The following PDE1A variants were observed in gnomAD, a reference collection of about 807,000 sequenced individuals.
The protein encoded by PDE1A is phosphodiesterase 1A.
A neutral mutation model predicts 61.7 loss-of-function variants in PDE1A; 35 were observed. The ratio of observed to expected loss-of-function variants is 0.57; its 90% CI spans 0.43 to 0.75. PDE1A has a LOEUF of 0.75. Among genes scored for constraint, PDE1A ranks in the 30% least tolerant of loss-of-function variants. PDE1A has a pLI of 0.00. For missense variants in PDE1A, 597 were observed against 630.6 expected, an observed-to-expected ratio of 0.95 and a Z score of 0.57; for synonymous variants, 232 against 213.2, an observed-to-expected ratio of 1.09 and a Z score of -0.77.
At chr2:182,682,242 T>C in the PDE1A span, among the ~76,000 whole-genome samples, 6 of 152,182 alleles carry the variant, frequency 3.9e-5, no homozygotes, top group African/African-American at 1.4e-4. Flanking sequence ...GAGCATTGCC[T>C]GAGAAGACTT....
At chr2:182,462,564 G>T (rs1236492495) in intron 2 of PDE1A, among the ~76,000 whole-genome samples, 1 of 151,908 alleles carries the variant, frequency 6.6e-6, no homozygotes, top group Non-Finnish European at 1.5e-5. Flanking sequence ...ACAGAGCATG[G>T]GCCCTGCCTT....
intron 1 of PDE1A, among the ~76,000 whole-genome samples, chr2:182,375,611 A>C (rs1302649203): frequency 6.6e-6 from 1 of 152,166 alleles, no homozygotes; most frequent in Non-Finnish European, 1.5e-5. Flanking sequence ...TCCAGGCACA[A>C]AGTGCAAGCT....
At chr2:182,298,493 G>T (rs993758554) in intron 1 of PDE1A, among the ~76,000 whole-genome samples, 1 of 152,140 alleles carries the variant, frequency 6.6e-6, no homozygotes, top group Non-Finnish European at 1.5e-5. Flanking sequence ...GTGGGATGGG[G>T]ACAATGCGGG....
the PDE1A span, among the ~76,000 whole-genome samples, chr2:182,539,029 A>G: frequency 6.6e-6 from 1 of 152,076 alleles, no homozygotes; most frequent in East Asian, 1.9e-4. Context: ...GAAGGTTTTG[A>G]GCTCTGATTT....
At chr2:182,191,164 T>G (rs1305761490) in intron 10 of PDE1A, among the ~76,000 whole-genome samples, 2 of 152,088 alleles carry the variant, frequency 1.3e-5, no homozygotes, top group Non-Finnish European at 2.9e-5. Flanking sequence ...CAAGAAAGGA[T>G]TTCCACTTTT....
intron 2 of PDE1A, among the ~76,000 whole-genome samples, chr2:182,477,880 TG>T (rs1359926482): frequency 6.6e-6 from 1 of 151,860 alleles, no homozygotes; most frequent in East Asian, 1.9e-4. Flanking sequence ...ATCATTCAAG[TG>T]ATGCACGTCT....
chr2:182,662,341 G>GAAAAAAAAAAAAA, the PDE1A span, among the ~76,000 whole-genome samples: 9 of 137,928 alleles, frequency 6.5e-5, no homozygotes, highest in African/African-American at 1.9e-4. Flanking sequence ...AAAAAAAAAA[G>GAAAAAAAAAAAAA]AAAAAAAAAA....
At chr2:182,208,917 C>T (rs1346556169) in intron 7 of PDE1A, among the ~76,000 whole-genome samples, 1 of 152,122 alleles carries the variant, frequency 6.6e-6, no homozygotes, top group Admixed American at 6.6e-5. Flanking sequence ...TTTCATTTTA[C>T]AAGCTCATAG....
At chr2:182,348,546 G>A (rs1051592734) in intron 1 of PDE1A, among the ~76,000 whole-genome samples, 10 of 152,040 alleles carry the variant, frequency 6.6e-5, no homozygotes, top group African/African-American at 2.4e-4. Flanking sequence ...CTTCGCACAT[G>A]TTCCAGCTAT....
chr2:182,527,506 C>T (rs1297260512), upstream of PDE1A, among the ~76,000 whole-genome samples: 1 of 149,318 alleles, frequency 6.7e-6, no homozygotes, highest in East Asian at 2.0e-4. Context: ...TGCAGTGAGC[C>T]TTGTTCATGC....
chr2:182,515,583 A>G (rs1414251381), intron 2 of PDE1A, among the ~76,000 whole-genome samples: 1 of 152,224 alleles, frequency 6.6e-6, no homozygotes, highest in Non-Finnish European at 1.5e-5. Flanking sequence ...GAATATTAAG[A>G]CTACGTCTAC....
chr2:182,391,034 G>A (rs947741297), intron 1 of PDE1A, among the ~76,000 whole-genome samples: 1 of 152,204 alleles, frequency 6.6e-6, no homozygotes, highest in African/African-American at 2.4e-5. Flanking sequence ...GAGGTTCAGA[G>A]TGTGTCTCAC....
At chr2:182,642,468 T>C in the PDE1A span, among the ~76,000 whole-genome samples, 10 of 149,290 alleles carry the variant, frequency 6.7e-5, no homozygotes, top group Non-Finnish European at 1.0e-4. Flanking sequence ...CTGAGGACTC[T>C]GAATTTGCCC....
intron 1 of PDE1A, among the ~76,000 whole-genome samples, chr2:182,286,987 T>A (rs1694208138): frequency 6.6e-6 from 1 of 152,122 alleles, no homozygotes; most frequent in Non-Finnish European, 1.5e-5. Context: ...AAATTTCCAA[T>A]GTCTTTCAGT....
chr2:182,400,655 C>T (rs1701951471), intron 1 of PDE1A, among the ~76,000 whole-genome samples: 1 of 152,108 alleles, frequency 6.6e-6, no homozygotes, highest in Non-Finnish European at 1.5e-5. Context: ...AAAGGAGCCA[C>T]TCTCTAAAGG....
chr2:182,593,990 C>T, the PDE1A span, among the ~76,000 whole-genome samples: 1 of 152,178 alleles, frequency 6.6e-6, no homozygotes, highest in African/African-American at 2.4e-5. Context: ...TATCTGTTCC[C>T]TTTGTTACTT....
At chr2:182,601,382 T>C in the PDE1A span, among the ~76,000 whole-genome samples, 1 of 152,272 alleles carries the variant, frequency 6.6e-6, no homozygotes, top group African/African-American at 2.4e-5. Flanking sequence ...AGCTCAGAGA[T>C]TCCAAAAACC....
intron 1 of PDE1A, among the ~76,000 whole-genome samples, chr2:182,307,665 A>G (rs1695677395): frequency 6.6e-6 from 1 of 152,166 alleles, no homozygotes; most frequent in African/African-American, 2.4e-5. Context: ...GGCTACTATA[A>G]AAACATGGAA....
the PDE1A span, among the ~76,000 whole-genome samples, chr2:182,610,912 C>T: frequency 6.6e-6 from 1 of 152,150 alleles, no homozygotes; most frequent in Non-Finnish European, 1.5e-5. Context: ...AATTATATAA[C>T]AGTGGTTACA....
Sources: gnomAD v4.1 joint callset for allele counts (sites outside exome capture counted in the v4.1 genomes callset) on GRCh38, gnomAD v4.1.1 for gene constraint, MANE v1.5 for transcripts, NCBI Gene and HGNC (gene_info 2026-07-23, HGNC 2026-07-21) for gene names.